Variants in CDH12 observed in about 807,000 individuals in gnomAD.
CDH12 encodes the protein cadherin-12.
In CDH12, 41 loss-of-function variants were observed where a neutral mutation model predicts 74.1. The ratio of observed to expected loss-of-function variants is 0.55; its 90% CI spans 0.43 to 0.72. The LOEUF (loss-of-function observed/expected upper bound fraction) is 0.72. CDH12 is among the 30% of genes least tolerant of loss of function. The pLI is 0.00. For synonymous variants in CDH12, 399 were observed against 355.0 expected (o/e 1.12, Z -1.39); for missense variants, 945 against 977.2 (o/e 0.97, Z 0.44).
At chr5:22,649,678 A>G (rs1344122060) in intron 1 of CDH12, among the ~76,000 whole-genome samples, 2 of 152,068 alleles carry the variant, frequency 1.3e-5, no homozygotes, top group East Asian at 3.8e-4. Context: ...ATGAGATGGC[A>G]ATGCCAAGGT....
intron 3 of CDH12, among the ~76,000 whole-genome samples, chr5:22,283,667 AG>A (rs1364129016): frequency 1.3e-5 from 2 of 152,058 alleles, no homozygotes; most frequent in African/African-American, 4.8e-5. Context: ...GCTAGACAGA[AG>A]GAATAATAGA....
chr5:22,342,213 C>T (rs914695450), intron 3 of CDH12, among the ~76,000 whole-genome samples: 3 of 152,126 alleles, frequency 2.0e-5, no homozygotes, highest in Non-Finnish European at 2.9e-5. Flanking sequence ...TACCATCACA[C>T]TGGGGATAAG....
At chr5:22,538,910 T>C (rs1191929130) in intron 1 of CDH12, among the ~76,000 whole-genome samples, 1 of 152,158 alleles carries the variant, frequency 6.6e-6, no homozygotes, top group Non-Finnish European at 1.5e-5. Flanking sequence ...TTAATTTCTC[T>C]TTAGAGACAG....
chr5:22,782,180 C>T (rs951323917), intron 1 of CDH12, among the ~76,000 whole-genome samples: 3 of 152,054 alleles, frequency 2.0e-5, no homozygotes, highest in African/African-American at 7.2e-5. Context: ...CCTTGGGGGA[C>T]TGTTGGGAAG....
At chr5:21,889,825 T>C in intron 6 of CDH12, 1 of 985,360 alleles carries the variant, frequency 1.0e-6, no homozygotes, top group Non-Finnish European at 1.2e-6. Flanking sequence ...GAAGAACAGC[T>C]GCCTTTGCCT....
Position 22,665,460 on chromosome 5 carries a change from T to G in CDH12, c.-522-160096A>C, listed in dbSNP as rs377132748. ...CAGAAGGAAAACAAAGTAATAATAT[T>G]GCAGAGAAAGAAATATCTAATGAGC... is the stretch of plus-strand genomic sequence containing the variant. On this transcript the variant is annotated intron_variant, in intron 1 of 14. Transcript: ENST00000382254. 4.6e-5 allele frequency among the ~76,000 whole-genome samples: 7 copies of G among 152,286 alleles called. No homozygotes were observed. In the East Asian group the frequency reaches 5.8e-4, roughly 13 times the overall value.
chr5:22,734,585 C>T (rs1744589856), intron 1 of CDH12, among the ~76,000 whole-genome samples: 1 of 151,846 alleles, frequency 6.6e-6, no homozygotes, highest in East Asian at 1.9e-4. Flanking sequence ...ATTTTTGAAA[C>T]TCTACAGCAT....
At chr5:22,662,298 G>A (rs1393618042) in intron 1 of CDH12, among the ~76,000 whole-genome samples, 1 of 152,116 alleles carries the variant, frequency 6.6e-6, no homozygotes, top group African/African-American at 2.4e-5. Context: ...GGAAGTTATG[G>A]CATATATATA....
intron 5 of CDH12, among the ~76,000 whole-genome samples, chr5:22,057,811 G>T (rs766462134): frequency 1.3e-5 from 2 of 152,108 alleles, no homozygotes; most frequent in Non-Finnish European, 1.5e-5. Context: ...AGATCTATTT[G>T]CTTACAGGCA....
At chr5:22,031,443 T>G (rs1380773928) in intron 5 of CDH12, among the ~76,000 whole-genome samples, 1 of 152,334 alleles carries the variant, frequency 6.6e-6, no homozygotes, top group Non-Finnish European at 1.5e-5. Flanking sequence ...TGTTTCACTT[T>G]ATTATCATTC....
intron 5 of CDH12, among the ~76,000 whole-genome samples, chr5:22,008,629 A>G (rs545945635): frequency 1.3e-4 from 20 of 152,290 alleles, no homozygotes; most frequent in Non-Finnish European, 2.5e-4. Context: ...ATTTGCTCAG[A>G]GACTTCCCTC....
At position 22,505,268 on chromosome 5, in the gene CDH12, A is replaced by G. The variant is rs1294688409; in HGVS notation, c.-428+2T>C. ...TATCTTGATAAGATTTTTTTTACCT[A>G]CCTTTAAAAAGGCTGGCATTCTTTA... On this transcript the variant is annotated splice_donor_variant, in intron 2 of 14. Transcript: ENST00000382254. LOFTEE classifies it low-confidence loss of function (5UTR_SPLICE). 1 of 966,142 alleles carries G rather than the reference A, an allele frequency of 1.0e-6. No individual in the cohort carries two copies. Among genetic ancestry groups the G allele is most frequent in the African/African-American group, 1.8e-5 (1 of 56,806 alleles). 59.8% of individuals were successfully genotyped at this position (966,142 alleles called of 1,614,324 possible).
chr5:22,350,281 T>C (rs1740305174), intron 3 of CDH12, among the ~76,000 whole-genome samples: 2 of 152,210 alleles, frequency 1.3e-5, no homozygotes, highest in South Asian at 4.1e-4. Flanking sequence ...ATGATATATG[T>C]TATTCTTAAA....
chr5:22,120,436 A>G (rs1445522687), intron 4 of CDH12, among the ~76,000 whole-genome samples: 2 of 152,206 alleles, frequency 1.3e-5, no homozygotes, highest in Non-Finnish European at 2.9e-5. Context: ...GAGGTTAAAA[A>G]AGCAATTGGT....
At chr5:22,439,673 A>G (rs148012697) in intron 2 of CDH12, among the ~76,000 whole-genome samples, 2 of 152,194 alleles carry the variant, frequency 1.3e-5, no homozygotes, top group Admixed American at 1.3e-4. Flanking sequence ...GCTGCTACCA[A>G]TTGTGTACAT....
chr5:22,020,124 T>C (rs1737871832), intron 5 of CDH12, among the ~76,000 whole-genome samples: 1 of 152,206 alleles, frequency 6.6e-6, no homozygotes, highest in Non-Finnish European at 1.5e-5. Context: ...AGAATAATGA[T>C]GCTAATTATC....
chr5:21,937,681 C>T (rs1394425884), intron 6 of CDH12, among the ~76,000 whole-genome samples: 5 of 152,060 alleles, frequency 3.3e-5, no homozygotes, highest in Admixed American at 2.0e-4. Context: ...GATTTTTGGG[C>T]CCATCCATAA....
At chr5:21,811,774 A>ATTTTG (rs58069749) in intron 9 of CDH12, among the ~76,000 whole-genome samples, 10 of 141,604 alleles carry the variant, frequency 7.1e-5, no homozygotes, top group East Asian at 4.2e-4. Context: ...AGCAGTTTTT[A>ATTTTG]TTTTGTTTTG....
chr5:22,023,122 C>T (rs1738098488), intron 5 of CDH12, among the ~76,000 whole-genome samples: 1 of 152,138 alleles, frequency 6.6e-6, no homozygotes, highest in Non-Finnish European at 1.5e-5. Flanking sequence ...CCACTCTTGA[C>T]TTCTGTGATT....
Sources: allele counts gnomAD v4.1 joint callset (sites outside exome capture counted in the v4.1 genomes callset), GRCh38; gene constraint gnomAD v4.1.1; transcripts MANE v1.5; gene names NCBI Gene and HGNC (gene_info 2026-07-23, HGNC 2026-07-21).